TNRC6A: variants seen among roughly 807,000 people sequenced by gnomAD.
TNRC6A encodes trinucleotide repeat containing adaptor 6A, also known as trinucleotide repeat-containing gene 6A protein.
In TNRC6A, 44 loss-of-function variants were observed where a neutral mutation model predicts 221.2. That is an observed-to-expected ratio of 0.20 (90% confidence interval 0.16 to 0.26). The LOEUF (loss-of-function observed/expected upper bound fraction) is 0.26. Ranked by LOEUF, TNRC6A falls within the 10% of genes least tolerant of loss-of-function variation. The probability of loss-of-function intolerance (pLI) is 1.00; values close to 1 mark genes in which losing one functional copy is unlikely to be tolerated. For synonymous variants in TNRC6A, 847 were observed against 838.5 expected (o/e 1.01, Z -0.18); for missense variants, 2,199 against 2,404.4 (o/e 0.91, Z 1.79).
At position 24,790,550 on chromosome 16, in the gene TNRC6A, G is replaced by A. The variant is rs563514352; in HGVS notation, c.1908G>A (p.Thr636=). The A allele has an allele frequency of 9.3e-6, 15 of 1,614,182 alleles. No homozygotes were observed. Among genetic ancestry groups the A allele is most frequent in the South Asian group, 8.8e-5 (8 of 91,082 alleles). ...ATAGTGCAAATGGCAATGGTAAGAC[G>A]TTTACAAATGGATGGAAATCTACTG... The part of the protein sequence containing the change: ...SNDSANGNGK[T]FTNGWKSTEE... The change falls in exon 6 of 25, where the codon ACG becomes ACA. Residue 636 remains threonine, a synonymous_variant. Transcript: ENST00000395799.
At chr16:24,798,263 T>G (rs913234274) in intron 11 of TNRC6A, 2 of 220,452 alleles carry the variant, frequency 9.1e-6, no homozygotes, top group African/African-American at 4.5e-5. Context: ...CCTAGATGTA[T>G]GACAGACTCT....
chr16:24,714,249 A>G (rs1394696431), intron 2 of TNRC6A, among the ~76,000 whole-genome samples: 1 of 140,606 alleles, frequency 7.1e-6, no homozygotes, highest in Admixed American at 7.1e-5. Context: ...TTCTTCTGCT[A>G]TGTCATCAGA....
At chr16:24,680,627 G>T (rs535586337) in intron 2 of TNRC6A, among the ~76,000 whole-genome samples, 6 of 148,992 alleles carry the variant, frequency 4.0e-5, no homozygotes, top group African/African-American at 1.2e-4. Flanking sequence ...TGAGGCGGAA[G>T]AATCACTTGA....
chr16:24,816,772 AATG>A, intron 19 of TNRC6A, 41 bp from the exon 20 acceptor site: 2 of 1,576,654 alleles, frequency 1.3e-6, no homozygotes, highest in Middle Eastern at 3.4e-4. Context: ...TGGATTTTAA[AATG>A]ATGATTAAGC....
At chr16:24,736,656 G>C (rs935026095) in intron 2 of TNRC6A, among the ~76,000 whole-genome samples, 1 of 152,152 alleles carries the variant, frequency 6.6e-6, no homozygotes, top group South Asian at 2.1e-4. Context: ...TTTTTGGCAG[G>C]AGTATCCCAT....
At position 24,789,935 on chromosome 16, in the gene TNRC6A, A is replaced by G. The variant is rs139673816; in HGVS notation, c.1293A>G (p.Val431=). 4 of 1,613,804 alleles carry G rather than the reference A, an allele frequency of 2.5e-6. No individual in the cohort carries two copies. The African/African-American group carries it at 5.3e-5, about 22-fold the overall frequency. Residue 431 remains valine (V), a synonymous_variant, in exon 6 of 25, where the codon GTA becomes GTG. Transcript: ENST00000395799. ...TTCAGGAAACTTGTGAATCTGAAGT[A>G]AGTGGTACACAGAAGGTTTCATTCA... The part of the protein sequence containing the change: ...GSLQETCESE[V]SGTQKVSFSG...
intron 2 of TNRC6A, among the ~76,000 whole-genome samples, chr16:24,669,260 A>G (rs1003288728): frequency 3.3e-5 from 5 of 152,062 alleles, no homozygotes; most frequent in Admixed American, 2.6e-4. Context: ...GCAGTTTGGG[A>G]GACTGAGTTG....
intron 3 of TNRC6A, among the ~76,000 whole-genome samples, chr16:24,754,594 A>G (rs1460444789): frequency 6.6e-6 from 1 of 152,210 alleles, no homozygotes; most frequent in Non-Finnish European, 1.5e-5. Flanking sequence ...CAGTAGTAGC[A>G]GTAGGTTACC....
Position 24,749,755 on chromosome 16 carries a change from G to A in TNRC6A, c.54-971G>A, listed in dbSNP as rs150367910. 2.0e-4 allele frequency among the ~76,000 whole-genome samples: 31 copies of A among 152,230 alleles called. No homozygotes were observed. In the East Asian group the frequency reaches 3.5e-3, roughly 17 times the overall value. On this transcript the variant is annotated intron_variant, in intron 2 of 24. Coordinates refer to ENST00000395799, the MANE Select transcript of TNRC6A (RefSeq NM_014494.4). ...AACCTGTTTCCTGAAACACATTTGC[G>A]CAGTCTGTCACTTTGAAATCCTGAA...
chr16:24,635,096 T>C (rs1901559500), intron 1 of TNRC6A, among the ~76,000 whole-genome samples: 2 of 145,104 alleles, frequency 1.4e-5, no homozygotes, highest in Admixed American at 1.4e-4. Flanking sequence ...CTTTTCTTTC[T>C]TTCTTTCTTT....
In TNRC6A at chr16:24,689,259, A is replaced by T. The variant is rs376537218; in HGVS notation, n.402+48250A>T. 2.6e-5 allele frequency among the ~76,000 whole-genome samples: 4 copies of T among 152,212 alleles called. No individual in the cohort carries two copies. The South Asian group carries it at 8.3e-4, about 32-fold the overall frequency. ...CAACATAGACACAAACAAACAAGCA[A>T]CACATGTTCTTCCAGAGAAGAGTGA... On this transcript the variant is annotated intron_variant and non_coding_transcript_variant, in intron 2 of 2. Transcript: ENST00000566108.
intron 2 of TNRC6A, among the ~76,000 whole-genome samples, chr16:24,748,330 G>T (rs1216307451): frequency 6.6e-6 from 1 of 152,134 alleles, no homozygotes; most frequent in African/African-American, 2.4e-5. Context: ...GTTGTTTACT[G>T]ATTTTACTCT....
intron 11 of TNRC6A, among the ~76,000 whole-genome samples, chr16:24,799,249 T>G (rs576639149): frequency 1.3e-4 from 20 of 152,282 alleles, no homozygotes; most frequent in African/African-American, 4.3e-4. Flanking sequence ...CTAAGTCCAT[T>G]TTTTTTCACA....
chr16:24,696,165 G>C (rs1222223560), intron 2 of TNRC6A, among the ~76,000 whole-genome samples: 1 of 151,864 alleles, frequency 6.6e-6, no homozygotes, highest in Non-Finnish European at 1.5e-5. Context: ...TGGCTAACAC[G>C]GTGAAACCCC....
chr16:24,645,834 C>CAAAAAAAAAAA (rs36106864), intron 2 of TNRC6A, among the ~76,000 whole-genome samples: 799 of 26,630 alleles, frequency 0.03, 256 homozygotes, highest in Non-Finnish European at 0.037. Context: ...CCTGTATCTA[C>CAAAAAAAAAAA]AAAAAAAAAA....
At chr16:24,613,560 C>T (rs1355973585) in intron 1 of TNRC6A, among the ~76,000 whole-genome samples, 1 of 149,098 alleles carries the variant, frequency 6.7e-6, no homozygotes, top group Non-Finnish European at 1.5e-5. Context: ...TAGAGTCTTG[C>T]TCTGTCGCCC....
chr16:24,825,029 T>A lies in TNRC6A; in HGVS notation c.*1222T>A, dbSNP rs2058842492. On this transcript the variant is annotated 3_prime_UTR_variant, in exon 25 of 25. Coordinates refer to ENST00000395799, the MANE Select transcript of TNRC6A (RefSeq NM_014494.4). ...ATCAAGTGGCTCCATATGTTTCTGCTCTCTCGTGACTGTGTTAATGTTTAA... is the reference window on the plus strand; with the variant it reads ...ATCAAGTGGCTCCATATGTTTCTGCACTCTCGTGACTGTGTTAATGTTTAA... 6.6e-6 allele frequency: 1 copy of A among 152,646 alleles called. No homozygotes were observed. Among genetic ancestry groups the A allele is most frequent in the Admixed American group, 6.5e-5 (1 of 15,286 alleles). 9.5% of individuals were successfully genotyped at this position (152,646 alleles called of 1,614,324 possible).
intron 1 of TNRC6A, among the ~76,000 whole-genome samples, chr16:24,635,718 CT>C (rs1207762221): frequency 6.6e-6 from 1 of 152,202 alleles, no homozygotes; most frequent in Non-Finnish European, 1.5e-5. Context: ...CTTATTATTT[CT>C]GAGAGTTTTT....
intron 2 of TNRC6A, among the ~76,000 whole-genome samples, chr16:24,692,972 A>T (rs977643157): frequency 2.6e-5 from 4 of 152,208 alleles, no homozygotes; most frequent in African/African-American, 4.8e-5. Flanking sequence ...TCATATTTAC[A>T]TTCGGGTAAA....
Sources: allele counts gnomAD v4.1 joint callset (sites outside exome capture counted in the v4.1 genomes callset), GRCh38; gene constraint gnomAD v4.1.1; transcripts MANE v1.5; gene names NCBI Gene and HGNC (gene_info 2026-07-23, HGNC 2026-07-21).